Variants in LDB2 observed in about 807,000 individuals in gnomAD.
The protein encoded by LDB2 is LIM domain binding 2, also known as LIM domain-binding protein 2.
In LDB2, 12 loss-of-function variants were observed where a neutral mutation model predicts 44.3. The observed-to-expected ratio is 0.27, with a 90% CI of 0.17 to 0.44. The LOEUF (loss-of-function observed/expected upper bound fraction) is 0.44. Among genes scored for constraint, LDB2 ranks in the 20% least tolerant of loss-of-function variants. LDB2 has a pLI of 1.00. For missense variants in LDB2, 344 were observed against 473.5 expected, an observed-to-expected ratio of 0.73 and a Z score of 2.54; for synonymous variants, 164 against 174.8, an observed-to-expected ratio of 0.94 and a Z score of 0.49.
intron 1 of LDB2, among the ~76,000 whole-genome samples, chr4:16,820,354 T>C (rs1353682601): frequency 6.6e-6 from 1 of 152,124 alleles, no homozygotes; most frequent in Non-Finnish European, 1.5e-5. Flanking sequence ...TTGTTATTGG[T>C]GAACAAGAGC....
intron 2 of LDB2, among the ~76,000 whole-genome samples, chr4:16,700,387 T>A (rs995942013): frequency 1.3e-5 from 2 of 152,194 alleles, no homozygotes; most frequent in Non-Finnish European, 2.9e-5. Flanking sequence ...GTTAGATATA[T>A]TTGGTTGCTA....
chr4:16,851,901 A>G (rs1231858164), intron 1 of LDB2, among the ~76,000 whole-genome samples: 1 of 152,256 alleles, frequency 6.6e-6, no homozygotes, highest in African/African-American at 2.4e-5. Context: ...ATGAGCCACA[A>G]GGTGGACAAG....
chr4:16,561,196 T>C (rs113450638), intron 5 of LDB2, among the ~76,000 whole-genome samples: 1 of 152,014 alleles, frequency 6.6e-6, no homozygotes, highest in African/African-American at 2.4e-5. Context: ...CTATTCAACA[T>C]AGTGTTGGAA....
At chr4:16,684,148 G>A (rs1748639124) in intron 2 of LDB2, among the ~76,000 whole-genome samples, 1 of 152,170 alleles carries the variant, frequency 6.6e-6, no homozygotes, top group Non-Finnish European at 1.5e-5. Context: ...AATGTGATGG[G>A]CTCCTCAACA....
intron 2 of LDB2, among the ~76,000 whole-genome samples, chr4:16,621,523 A>G (rs1728871831): frequency 6.6e-6 from 1 of 152,212 alleles, no homozygotes. Flanking sequence ...ATGCTTCTAA[A>G]TCAATTCTAT....
chr4:16,523,854 C>T (rs1209113484), intron 5 of LDB2, among the ~76,000 whole-genome samples: 1 of 152,090 alleles, frequency 6.6e-6, no homozygotes, highest in East Asian at 1.9e-4. Flanking sequence ...TGTAGTTGAC[C>T]ATAGGTAACC....
intron 5 of LDB2, among the ~76,000 whole-genome samples, chr4:16,544,014 T>C (rs1416783265): frequency 6.6e-6 from 1 of 152,212 alleles, no homozygotes; most frequent in Non-Finnish European, 1.5e-5. Flanking sequence ...TGCTAGACTT[T>C]GGAGACATGG....
chr4:16,770,957 T>G (rs1770529452), intron 1 of LDB2, among the ~76,000 whole-genome samples: 1 of 152,100 alleles, frequency 6.6e-6, no homozygotes, highest in African/African-American at 2.4e-5. Flanking sequence ...TGCAGGATAA[T>G]GTCATGAGGC....
chr4:16,810,819 C>A (rs1244536670), intron 1 of LDB2, among the ~76,000 whole-genome samples: 4 of 152,158 alleles, frequency 2.6e-5, no homozygotes, highest in Admixed American at 2.6e-4. Flanking sequence ...TATTACCTTC[C>A]ATTAAGAGTG....
chr4:16,592,999 T>C (rs554242908), intron 3 of LDB2, among the ~76,000 whole-genome samples: 5 of 152,374 alleles, frequency 3.3e-5, no homozygotes, highest in Non-Finnish European at 5.9e-5. Context: ...GGCTTTATAA[T>C]GTGTGTTTTA....
intron 1 of LDB2, among the ~76,000 whole-genome samples, chr4:16,778,937 C>A (rs1045954722): frequency 6.6e-6 from 1 of 152,156 alleles, no homozygotes; most frequent in Non-Finnish European, 1.5e-5. Flanking sequence ...AATATTAGAC[C>A]AAGAACATCT....
At chr4:16,521,280 ATG>A (rs1725973697) in intron 5 of LDB2, among the ~76,000 whole-genome samples, 2 of 152,144 alleles carry the variant, frequency 1.3e-5, no homozygotes, top group Non-Finnish European at 2.9e-5. Flanking sequence ...GAATCCTGCC[ATG>A]TCTCATCCTA....
At chr4:16,877,145 T>C (rs1313127508) in intron 1 of LDB2, among the ~76,000 whole-genome samples, 5 of 152,168 alleles carry the variant, frequency 3.3e-5, no homozygotes, top group Admixed American at 1.3e-4. Flanking sequence ...AGGCCAGATA[T>C]GGTTCGAAAA....
intron 1 of LDB2, among the ~76,000 whole-genome samples, chr4:16,857,053 CT>C (rs2110227613): frequency 6.6e-6 from 1 of 152,236 alleles, no homozygotes; most frequent in South Asian, 2.1e-4. Context: ...CTTCTTAGAG[CT>C]TTTGTTGACC....
At chr4:16,571,377 G>T (rs553490214) in intron 5 of LDB2, among the ~76,000 whole-genome samples, 1 of 152,118 alleles carries the variant, frequency 6.6e-6, no homozygotes, top group African/African-American at 2.4e-5. Flanking sequence ...AGTCCAGGAG[G>T]GTTTTTGATC....
chr4:16,561,393 C>T (rs1044272248), intron 5 of LDB2, among the ~76,000 whole-genome samples: 1 of 152,128 alleles, frequency 6.6e-6, no homozygotes, highest in African/African-American at 2.4e-5. Context: ...AATCAATGTA[C>T]AAAAATCACA....
At chr4:16,850,590 T>C (rs1580217937) in intron 1 of LDB2, among the ~76,000 whole-genome samples, 1 of 152,166 alleles carries the variant, frequency 6.6e-6, no homozygotes, top group Admixed American at 6.5e-5. Context: ...AAAGTAACCA[T>C]ACGGTGATCC....
At chr4:16,737,068 G>A (rs1340499885) in intron 2 of LDB2, among the ~76,000 whole-genome samples, 1 of 151,988 alleles carries the variant, frequency 6.6e-6, no homozygotes, top group Non-Finnish European at 1.5e-5. Flanking sequence ...TATTTTTTTT[G>A]TAACAATAAC....
intron 5 of LDB2, among the ~76,000 whole-genome samples, chr4:16,525,662 G>C (rs1727949420): frequency 6.6e-6 from 1 of 152,136 alleles, no homozygotes; most frequent in Non-Finnish European, 1.5e-5. Flanking sequence ...CAGGAAAAAA[G>C]AAAATCACTG....
Sources: gnomAD v4.1 joint callset for allele counts (sites outside exome capture counted in the v4.1 genomes callset) on GRCh38, gnomAD v4.1.1 for gene constraint, MANE v1.5 for transcripts, NCBI Gene and HGNC (gene_info 2026-07-23, HGNC 2026-07-21) for gene names.